Variants in SH3KBP1 observed in about 807,000 individuals in gnomAD.
SH3KBP1 encodes the protein SH3 domain containing kinase binding protein 1.
SH3KBP1 carries 8 observed loss-of-function variants against 50.1 expected under a neutral mutation model. The observed-to-expected ratio is 0.16, with a 90% confidence interval of 0.09 to 0.29. The LOEUF (loss-of-function observed/expected upper bound fraction) is 0.29. SH3KBP1 is among the 10% of genes least tolerant of loss of function. SH3KBP1 has a pLI of 1.00. For missense variants in SH3KBP1, 377 were observed against 535.2 expected (o/e 0.70, Z 2.92); for synonymous variants, 227 against 218.6 (o/e 1.04, Z -0.34).
intron 14 of SH3KBP1, among the ~76,000 whole-genome samples, chrX:19,547,117 T>C (rs1273710053): frequency 1.9e-5 from 2 of 107,347 alleles, no homozygotes; most frequent in African/African-American, 7.0e-5. Context: ...ATTGCACCAC[T>C]GCACTCCAGC....
At chrX:19,708,550 T>G (rs1375792282) in intron 3 of SH3KBP1, among the ~76,000 whole-genome samples, 1 of 111,239 alleles carries the variant, frequency 9.0e-6, no homozygotes, top group Non-Finnish European at 1.9e-5. Flanking sequence ...TCAGGAGGAA[T>G]GGGTATTCCG....
rs1029568557 is a variant in SH3KBP1, at chrX:19,579,947, C to T, written c.1298+8696G>A. Among the ~76,000 whole-genome samples, 6 of 111,818 alleles carry T rather than the reference C, an allele frequency of 5.4e-5. No individual in the cohort carries two copies. The East Asian group carries it at 1.7e-3, about 32-fold the overall frequency. ...ATGGAGGTCACAGATTTAGTAAGTG[C>T]CTCTCAAGTTGCCAGGCAATGAGCT... On this transcript the variant is annotated intron_variant, in intron 12 of 17. Transcript: ENST00000397821.
chrX:19,781,275 G>T (rs1428904243), intron 2 of SH3KBP1, among the ~76,000 whole-genome samples: 1 of 111,207 alleles, frequency 9.0e-6, no homozygotes, highest in Non-Finnish European at 1.9e-5. Flanking sequence ...CAGGTGATGG[G>T]ATTGTCCTTC....
chrX:19,737,277 C>T (rs775736676), intron 3 of SH3KBP1, among the ~76,000 whole-genome samples: 1 of 111,059 alleles, frequency 9.0e-6, no homozygotes, highest in African/African-American at 3.3e-5. Flanking sequence ...AGGAGGCTCC[C>T]ACGTGGGGCT....
At chrX:19,723,725 G>A (rs758909972) in intron 3 of SH3KBP1, among the ~76,000 whole-genome samples, 1 of 112,000 alleles carries the variant, frequency 8.9e-6, no homozygotes, top group East Asian at 2.8e-4. Context: ...GTAAGTCTAA[G>A]AAAAGTTAGG....
chrX:19,546,349 A>G (rs1002019181), intron 14 of SH3KBP1, among the ~76,000 whole-genome samples: 39 of 111,629 alleles, frequency 3.5e-4, no homozygotes, highest in African/African-American at 1.2e-3. Context: ...CTTCCTCTAA[A>G]CATTTGCTAC....
chrX:19,672,239 G>A (rs1474135697), intron 6 of SH3KBP1, among the ~76,000 whole-genome samples: 5 of 111,902 alleles, frequency 4.5e-5, no homozygotes, highest in East Asian at 5.6e-4. Context: ...CAACTAGGAC[G>A]GAGGAGAATA....
At chrX:19,663,319 G>GT (rs745998827) in intron 6 of SH3KBP1, among the ~76,000 whole-genome samples, 171 of 111,825 alleles carry the variant, frequency 1.5e-3, no homozygotes, top group African/African-American at 5.4e-3. Context: ...GGGATATTTT[G>GT]TTTTTTCAGG....
At chrX:19,725,711 C>T (rs1232695558) in intron 3 of SH3KBP1, among the ~76,000 whole-genome samples, 2 of 111,273 alleles carry the variant, frequency 1.8e-5, no homozygotes, top group Non-Finnish European at 3.8e-5. Context: ...CTGCCCAGAG[C>T]ATCTAAATGA....
At chrX:19,636,551 A>C (rs984582570) in intron 7 of SH3KBP1, among the ~76,000 whole-genome samples, 6 of 111,762 alleles carry the variant, frequency 5.4e-5, no homozygotes, top group Admixed American at 4.7e-4. Context: ...TCCCCAAAAA[A>C]CATTATTTCA....
chrX:19,727,961 G>A (rs771104503), intron 3 of SH3KBP1, among the ~76,000 whole-genome samples: 1 of 112,010 alleles, frequency 8.9e-6, no homozygotes, highest in African/African-American at 3.2e-5. Context: ...GAAACAGAGC[G>A]AGACACCATC....
intron 3 of SH3KBP1, among the ~76,000 whole-genome samples, chrX:19,739,462 G>A (rs2064704475): frequency 9.0e-6 from 1 of 111,559 alleles, no homozygotes; most frequent in Non-Finnish European, 1.9e-5. Flanking sequence ...AGGGTACTTG[G>A]AGCTATTAGG....
intron 12 of SH3KBP1, among the ~76,000 whole-genome samples, chrX:19,571,961 G>A (rs182970940): frequency 7.0e-4 from 77 of 110,228 alleles, no homozygotes; most frequent in African/African-American, 2.5e-3. Context: ...ATGTATCTCA[G>A]AACAGCTCAG....
intron 2 of SH3KBP1, among the ~76,000 whole-genome samples, chrX:19,808,209 C>T (rs752984262): frequency 1.8e-5 from 2 of 110,869 alleles, no homozygotes; most frequent in South Asian, 3.8e-4. Flanking sequence ...ATATACACAG[C>T]GGGCCTGTGT....
At position 19,825,086 on chromosome X, in the gene SH3KBP1, T is replaced by G. The variant is rs144912562; in HGVS notation, c.162+11039A>C. ...TGGATAGTCACACATCTTGATTATT[T>G]ACCACTGATAGAAAAGACAGTCAAA... On this transcript the variant is annotated intron_variant, in intron 2 of 17. Transcript: ENST00000397821. 1.8e-3 allele frequency among the ~76,000 whole-genome samples: 205 copies of G among 112,149 alleles called. 3 individuals are homozygous for G. The East Asian group carries it at 0.039, about 21-fold the overall frequency.
intron 12 of SH3KBP1, among the ~76,000 whole-genome samples, chrX:19,577,011 T>C (rs2066222378): frequency 8.9e-6 from 1 of 112,491 alleles, no homozygotes; most frequent in Non-Finnish European, 1.9e-5. Context: ...TCCACGAATT[T>C]GGCCAAGGCT....
chrX:19,610,517 C>T (rs1040750377), intron 8 of SH3KBP1, among the ~76,000 whole-genome samples: 1 of 112,047 alleles, frequency 8.9e-6, no homozygotes, highest in Non-Finnish European at 1.9e-5. Flanking sequence ...CTCTAATGCT[C>T]AGTACAGTGT....
intron 3 of SH3KBP1, among the ~76,000 whole-genome samples, chrX:19,729,943 G>C (rs1416427240): frequency 8.9e-6 from 1 of 111,892 alleles, no homozygotes; most frequent in African/African-American, 3.2e-5. Context: ...TTCATTTCTA[G>C]TGTATGCTGG....
intron 13 of SH3KBP1, among the ~76,000 whole-genome samples, chrX:19,568,063 G>A (rs763838965): frequency 9.9e-5 from 11 of 111,095 alleles, no homozygotes; most frequent in African/African-American, 2.6e-4. Context: ...AACTCATGGC[G>A]GTAGAGAGCA....
Sources: allele counts gnomAD v4.1 joint callset (sites outside exome capture counted in the v4.1 genomes callset), GRCh38; gene constraint gnomAD v4.1.1; transcripts MANE v1.5; gene names NCBI Gene and HGNC (gene_info 2026-07-23, HGNC 2026-07-21).